Variants in ZNF385D observed in about 807,000 individuals in gnomAD.
ZNF385D encodes zinc finger protein 659.
A neutral mutation model predicts 35.8 loss-of-function variants in ZNF385D; 15 were observed. That is an observed-to-expected ratio of 0.42 (90% confidence interval 0.28 to 0.64). The LOEUF (loss-of-function observed/expected upper bound fraction) is 0.64. Among genes scored for constraint, ZNF385D ranks in the 30% least tolerant of loss-of-function variants. The probability of loss-of-function intolerance (pLI) is 0.23; values close to 1 mark genes in which losing one functional copy is unlikely to be tolerated. For synonymous variants in ZNF385D, 212 were observed against 186.8 expected (o/e 1.13, Z -1.10); for missense variants, 474 against 494.6 (o/e 0.96, Z 0.39).
At chr3:21,557,848 T>C (rs2062795523) in intron 3 of ZNF385D, among the ~76,000 whole-genome samples, 1 of 151,412 alleles carries the variant, frequency 6.6e-6, no homozygotes, top group South Asian at 2.1e-4. Context: ...GAACTTGTTA[T>C]TGGGATTTGA....
chr3:21,613,642 G>A (rs2064754869), intron 2 of ZNF385D, among the ~76,000 whole-genome samples: 1 of 152,144 alleles, frequency 6.6e-6, no homozygotes, highest in South Asian at 2.1e-4. Flanking sequence ...TTTATTAATT[G>A]AATGGCCCTT....
chr3:21,551,872 T>C (rs563039651), intron 3 of ZNF385D, among the ~76,000 whole-genome samples: 44 of 152,258 alleles, frequency 2.9e-4, no homozygotes, highest in African/African-American at 9.1e-4. Context: ...GAAACAGTTA[T>C]GGCAAAATAC....
chr3:22,131,751 G>A (rs371730988), intron 3 of ZNF385D, among the ~76,000 whole-genome samples: 3 of 152,256 alleles, frequency 2.0e-5, no homozygotes, highest in South Asian at 2.1e-4. Context: ...CATGTTGATC[G>A]CTTCTACTTT....
chr3:21,547,818 T>C (rs560409003), intron 3 of ZNF385D, among the ~76,000 whole-genome samples: 1 of 152,146 alleles, frequency 6.6e-6, no homozygotes, highest in East Asian at 1.9e-4. Context: ...GGCTTCTCCA[T>C]ATTGGTCAGG....
At chr3:21,457,409 G>T (rs1036227765) in intron 4 of ZNF385D, among the ~76,000 whole-genome samples, 13 of 151,934 alleles carry the variant, frequency 8.6e-5, no homozygotes. Flanking sequence ...AGGCTGGAGT[G>T]CAATGGCATG....
chr3:22,073,709 TG>T (rs1280480485), intron 3 of ZNF385D, among the ~76,000 whole-genome samples: 2 of 151,680 alleles, frequency 1.3e-5, no homozygotes, highest in Non-Finnish European at 2.9e-5. Context: ...ATTAAAGAAA[TG>T]GGGGGTTGGA....
chr3:21,486,674 A>T (rs1030823364), intron 4 of ZNF385D, among the ~76,000 whole-genome samples: 2 of 152,164 alleles, frequency 1.3e-5, no homozygotes, highest in African/African-American at 4.8e-5. Context: ...GAATCTGGGC[A>T]TTGGGACAGA....
intron 3 of ZNF385D, among the ~76,000 whole-genome samples, chr3:21,803,616 T>G (rs1261715259): frequency 6.6e-6 from 1 of 152,178 alleles, no homozygotes; most frequent in Non-Finnish European, 1.5e-5. Context: ...ATATTTGTAA[T>G]AGGACATAAA....
intron 3 of ZNF385D, among the ~76,000 whole-genome samples, chr3:21,891,313 G>A (rs1429367961): frequency 1.3e-5 from 2 of 152,084 alleles, no homozygotes; most frequent in East Asian, 3.9e-4. Flanking sequence ...AGTACACTGA[G>A]ATCACAGGTA....
chr3:21,744,872 A>G (rs1366442240), intron 1 of ZNF385D, among the ~76,000 whole-genome samples: 1 of 151,796 alleles, frequency 6.6e-6, no homozygotes, highest in Non-Finnish European at 1.5e-5. Flanking sequence ...AAATAATAAT[A>G]AAAAAAGCTA....
intron 3 of ZNF385D, among the ~76,000 whole-genome samples, chr3:21,980,705 T>A (rs923103396): frequency 1.3e-5 from 2 of 152,164 alleles, no homozygotes; most frequent in Admixed American, 6.6e-5. Context: ...TTGCTGTTCC[T>A]ATCCCTCCTC....
intron 3 of ZNF385D, among the ~76,000 whole-genome samples, chr3:22,126,756 T>C (rs1316182183): frequency 2.0e-5 from 3 of 152,182 alleles, no homozygotes; most frequent in Non-Finnish European, 4.4e-5. Flanking sequence ...GTGTGCATTA[T>C]CTGCCCAATG....
intron 2 of ZNF385D, among the ~76,000 whole-genome samples, chr3:21,663,918 T>TATATATATATATATATATATA (rs58884498): frequency 8.0e-6 from 1 of 124,334 alleles, no homozygotes; most frequent in Non-Finnish European, 1.6e-5. Flanking sequence ...TATATATATA[T>TATATATATATATATATATATA]TTATTTATTT....
intron 2 of ZNF385D, among the ~76,000 whole-genome samples, chr3:22,329,417 T>G (rs945357330): frequency 2.0e-5 from 3 of 152,194 alleles, no homozygotes; most frequent in Non-Finnish European, 2.9e-5. Flanking sequence ...CACCTATTGG[T>G]GCAGACTAGA....
intron 3 of ZNF385D, among the ~76,000 whole-genome samples, chr3:21,555,231 T>A (rs1321968569): frequency 6.7e-6 from 1 of 149,780 alleles, no homozygotes; most frequent in African/African-American, 2.5e-5. Flanking sequence ...TTTTTTTTTT[T>A]AATACTTTAA....
chr3:22,241,393 T>G (rs543041563), intron 2 of ZNF385D, among the ~76,000 whole-genome samples: 1 of 151,416 alleles, frequency 6.6e-6, no homozygotes, highest in South Asian at 2.2e-4. Context: ...TCTTTGCCTA[T>G]TCTATGTTCT....
In ZNF385D at chr3:21,975,906, C is replaced by G. The variant is rs6775450; in HGVS notation, c.325+192911G>C. On this transcript the variant is annotated intron_variant, in intron 3 of 5. Coordinates refer to the ZNF385D transcript ENST00000494108. ...CTACACAGGACAAGATGCAAACGAG[C>G]CAAGCATCAAGTGTGTTGAAAAAAG... Among the ~76,000 whole-genome samples, 167 of 152,048 alleles carry G rather than the reference C, an allele frequency of 1.1e-3. 1 individual carries two copies. The highest frequency in any genetic ancestry group is 3.8e-3 in the African/African-American group (159 of 41,488).
intron 3 of ZNF385D, among the ~76,000 whole-genome samples, chr3:21,767,196 G>C (rs1476754009): frequency 2.0e-5 from 3 of 151,936 alleles, no homozygotes; most frequent in South Asian, 2.1e-4. Flanking sequence ...GAAATGCAAG[G>C]ACAGTGTGAG....
rs1175019821 is a variant in ZNF385D, at chr3:22,009,541, C to G, written c.325+159276G>C. ...GGGAGGCTGAGTCAGGAGAATGGCA[C>G]GAACCCAGGAGGCAGAGCTTGCAGT... is the stretch of plus-strand genomic sequence containing the variant. On this transcript the variant is annotated intron_variant, in intron 3 of 5. Transcript: ENST00000494108. Among the ~76,000 whole-genome samples the G allele has an allele frequency of 3.3e-5, 5 of 149,958 alleles. No homozygotes were observed. The Admixed American group carries it at 3.3e-4, about 10-fold the overall frequency.
Sources: allele counts gnomAD v4.1 joint callset (sites outside exome capture counted in the v4.1 genomes callset), GRCh38; gene constraint gnomAD v4.1.1; transcripts MANE v1.5; gene names NCBI Gene and HGNC (gene_info 2026-07-23, HGNC 2026-07-21).